The following TRPM3 variants were observed in gnomAD, a reference collection of about 807,000 sequenced individuals.
TRPM3 encodes transient receptor potential cation channel subfamily M member 3, also known as long transient receptor potential channel 3.
A neutral mutation model predicts 181.2 loss-of-function variants in TRPM3; 77 were observed. The ratio of observed to expected loss-of-function variants is 0.42; its 90% CI spans 0.35 to 0.51. TRPM3 has a LOEUF of 0.51. TRPM3 is among the 20% of genes least tolerant of loss of function. The probability of loss-of-function intolerance (pLI) is 0.01; values close to 1 mark genes in which losing one functional copy is unlikely to be tolerated. For missense variants in TRPM3, 1,759 were observed against 2,196.7 expected, an observed-to-expected ratio of 0.80 and a Z score of 3.98; for synonymous variants, 745 against 796.4, an observed-to-expected ratio of 0.94 and a Z score of 1.09.
intron 1 of TRPM3, among the ~76,000 whole-genome samples, chr9:71,379,709 T>C (rs958112966): frequency 1.2e-4 from 17 of 145,950 alleles, no homozygotes; most frequent in South Asian, 2.2e-4. Context: ...TTTTTTTTAA[T>C]TCAAATAAAT....
chr9:71,006,601 G>A (rs2097676701), intron 1 of TRPM3, among the ~76,000 whole-genome samples: 1 of 152,156 alleles, frequency 6.6e-6, no homozygotes, highest in Non-Finnish European at 1.5e-5. Context: ...CGGGTATGGT[G>A]GCTCACGCCT....
rs529780558 is a variant in TRPM3, at chr9:71,189,514, T to A, written c.183+257139A>T. Among the ~76,000 whole-genome samples the A allele has an allele frequency of 1.4e-4, 21 of 151,990 alleles. No individual in the cohort carries two copies. The South Asian group carries it at 4.4e-3, about 32-fold the overall frequency. ...TGCCCCAAAGACAGGATTATTTGCA[T>A]GCTGAAACTATCTCAGCTTTTGTGT... On this transcript the variant is annotated intron_variant, in intron 1 of 24. Transcript: ENST00000357533.
chr9:70,944,181 G>A (rs1399062691), intron 1 of TRPM3, among the ~76,000 whole-genome samples: 3 of 152,158 alleles, frequency 2.0e-5, no homozygotes, highest in African/African-American at 7.2e-5. Context: ...AACAAAGAAG[G>A]AAATCACTGG....
intron 1 of TRPM3, among the ~76,000 whole-genome samples, chr9:71,299,340 T>C (rs11142792): frequency 0.24 from 35,826 of 152,056 alleles, 5,034 homozygotes; most frequent in African/African-American, 0.39. Flanking sequence ...GTGCCCAGTG[T>C]TGTGGTAAAT....
intron 1 of TRPM3, among the ~76,000 whole-genome samples, chr9:71,062,298 C>T (rs894794207): frequency 3.3e-5 from 5 of 152,044 alleles, no homozygotes; most frequent in African/African-American, 1.2e-4. Flanking sequence ...TATTAAAATG[C>T]AAGATATGCC....
At chr9:70,762,885 G>C (rs2078401049) in intron 7 of TRPM3, among the ~76,000 whole-genome samples, 1 of 152,140 alleles carries the variant, frequency 6.6e-6, no homozygotes, top group Non-Finnish European at 1.5e-5. Flanking sequence ...ACACCAAGTG[G>C]ATCACACCAC....
At chr9:70,990,491 G>A (rs375505889) in intron 1 of TRPM3, among the ~76,000 whole-genome samples, 1 of 152,224 alleles carries the variant, frequency 6.6e-6, no homozygotes. Flanking sequence ...GAGATAAAAA[G>A]GTCTTGAACG....
At chr9:71,333,418 T>C (rs1330770684) in intron 1 of TRPM3, among the ~76,000 whole-genome samples, 1 of 151,918 alleles carries the variant, frequency 6.6e-6, no homozygotes, top group East Asian at 1.9e-4. Context: ...CCAGCAAACA[T>C]GACAAGATGG....
chr9:70,700,965 A>G (rs1014530214), intron 8 of TRPM3, among the ~76,000 whole-genome samples: 9 of 152,236 alleles, frequency 5.9e-5, no homozygotes, highest in Admixed American at 5.2e-4. Context: ...GAACACTTGG[A>G]AAAATGTTCA....
intron 1 of TRPM3, among the ~76,000 whole-genome samples, chr9:71,357,112 C>T (rs537864922): frequency 6.6e-6 from 1 of 152,272 alleles, no homozygotes; most frequent in Admixed American, 6.5e-5. Context: ...CAATCAGAGT[C>T]ACCCCCAAAA....
rs200576979 is a variant in TRPM3 at position 71,348,569 on chromosome 9, TA to T, written c.183+98083del. On this transcript the variant is annotated intron_variant, in intron 1 of 24. Coordinates refer to the TRPM3 transcript ENST00000357533. ...TTATTTATATATTTATTTATTTATT[TA>T]TTTATTTTTTATTTTTTGAGACTGA... 7.6e-3 allele frequency among the ~76,000 whole-genome samples: 1,146 copies of T among 150,340 alleles called. 20 individuals are homozygous for T. The highest frequency in any genetic ancestry group is 0.027 in the African/African-American group (1,090 of 40,702).
intron 1 of TRPM3, among the ~76,000 whole-genome samples, chr9:71,271,924 G>A (rs1025447273): frequency 2.0e-5 from 3 of 152,216 alleles, no homozygotes; most frequent in Admixed American, 2.0e-4. Context: ...TCCCCAGGGA[G>A]CCAAACTAGT....
chr9:71,074,272 A>G (rs779706410), intron 1 of TRPM3, among the ~76,000 whole-genome samples: 4 of 152,206 alleles, frequency 2.6e-5, no homozygotes, highest in South Asian at 2.1e-4. Flanking sequence ...TTACCCTGAT[A>G]GGTATCTGAA....
chr9:70,611,393 G>A (rs148986971), intron 18 of TRPM3, among the ~76,000 whole-genome samples: 3 of 152,194 alleles, frequency 2.0e-5, no homozygotes, highest in South Asian at 2.1e-4. Context: ...TGCTGTTCTC[G>A]TGATAGTGAG....
intron 1 of TRPM3, among the ~76,000 whole-genome samples, chr9:71,252,847 C>CTCTTT (rs1554854926): frequency 3.2e-4 from 27 of 84,756 alleles, no homozygotes; most frequent in African/African-American, 4.2e-4. Flanking sequence ...AATTTTGTCT[C>CTCTTT]TTTTTTTTTT....
chr9:70,638,228 T>G (rs1331749115), intron 11 of TRPM3, among the ~76,000 whole-genome samples: 1 of 152,156 alleles, frequency 6.6e-6, no homozygotes, highest in Non-Finnish European at 1.5e-5. Flanking sequence ...AAAAGCAACC[T>G]TCGCCAGACA....
At chr9:71,027,660 A>C (rs1223323755) in intron 1 of TRPM3, among the ~76,000 whole-genome samples, 1 of 152,222 alleles carries the variant, frequency 6.6e-6, no homozygotes, top group Non-Finnish European at 1.5e-5. Flanking sequence ...CAAGCATTTC[A>C]TAATGCAATT....
At chr9:70,858,735 G>C (rs1036519133) in intron 3 of TRPM3, among the ~76,000 whole-genome samples, 3 of 151,722 alleles carry the variant, frequency 2.0e-5, no homozygotes, top group Non-Finnish European at 4.4e-5. Context: ...GTGGGCGTGG[G>C]ACCAATATAG....
chr9:70,915,108 A>G (rs1399765973), intron 1 of TRPM3, among the ~76,000 whole-genome samples: 1 of 152,218 alleles, frequency 6.6e-6, no homozygotes, highest in Non-Finnish European at 1.5e-5. Context: ...AATGAACCAA[A>G]TAAGATCATA....
Sources: gnomAD v4.1 joint callset for allele counts (sites outside exome capture counted in the v4.1 genomes callset) on GRCh38, gnomAD v4.1.1 for gene constraint, MANE v1.5 for transcripts, NCBI Gene and HGNC (gene_info 2026-07-23, HGNC 2026-07-21) for gene names.